Variants in KCND2 observed in about 807,000 individuals in gnomAD.
KCND2 encodes potassium voltage-gated channel subfamily D member 2.
In KCND2, 16 loss-of-function variants were observed where a neutral mutation model predicts 54.4. That is an observed-to-expected ratio of 0.29 (90% CI 0.20 to 0.45). The LOEUF is 0.45. Ranked by LOEUF, KCND2 falls within the 20% of genes least tolerant of loss-of-function variation. The pLI, the probability that KCND2 is intolerant of heterozygous loss-of-function variation, is 1.00. For synonymous variants in KCND2, 317 were observed against 310.7 expected (o/e 1.02, Z -0.21); for missense variants, 486 against 824.2 (o/e 0.59, Z 5.02).
At chr7:120,279,499 G>A (rs1799229254) in intron 1 of KCND2, among the ~76,000 whole-genome samples, 1 of 151,834 alleles carries the variant, frequency 6.6e-6, no homozygotes, top group African/African-American at 2.4e-5. Context: ...TAAAGTTTAT[G>A]TTTAGAGATA....
chr7:120,357,917 T>G (rs1357832208), intron 1 of KCND2, among the ~76,000 whole-genome samples: 1 of 152,146 alleles, frequency 6.6e-6, no homozygotes, highest in Non-Finnish European at 1.5e-5. Flanking sequence ...TACAGCCACA[T>G]CGGGGGTTGC....
chr7:120,442,114 A>G (rs1239909817), intron 1 of KCND2, among the ~76,000 whole-genome samples: 4 of 152,130 alleles, frequency 2.6e-5, no homozygotes, highest in Non-Finnish European at 5.9e-5. Context: ...AAGTTCCTGA[A>G]TCAGGGGACT....
In KCND2 at chr7:120,483,369, C is replaced by A. The variant is rs545041654; in HGVS notation, c.1115+207622C>A. 4.6e-5 allele frequency among the ~76,000 whole-genome samples: 7 copies of A among 152,264 alleles called. No homozygotes were observed. In the East Asian group the frequency reaches 1.3e-3, roughly 29 times the overall value. ...CATCCAGGAAGAAAAGCTCAATAGG[C>A]AACTGAATGGGAATCTGGGTCCCTC... On this transcript the variant is annotated intron_variant, in intron 1 of 5. Transcript: ENST00000331113.
chr7:120,436,969 T>C (rs1801876033), intron 1 of KCND2, among the ~76,000 whole-genome samples: 1 of 152,170 alleles, frequency 6.6e-6, no homozygotes, highest in Non-Finnish European at 1.5e-5. Context: ...AAGCACTCTC[T>C]TTCTCAGTGA....
At chr7:120,397,351 C>T (rs1052404059) in intron 1 of KCND2, among the ~76,000 whole-genome samples, 4 of 151,970 alleles carry the variant, frequency 2.6e-5, no homozygotes, top group African/African-American at 7.2e-5. Flanking sequence ...CTTATCTGGT[C>T]GGTAGTTGAT....
At chr7:120,679,007 A>G (rs1053377116) in intron 1 of KCND2, among the ~76,000 whole-genome samples, 5 of 151,828 alleles carry the variant, frequency 3.3e-5, no homozygotes, top group South Asian at 4.1e-4. Flanking sequence ...TACAGAATAT[A>G]TACAGACAAC....
At chr7:120,684,489 G>C (rs1040923641) in intron 1 of KCND2, among the ~76,000 whole-genome samples, 1 of 152,088 alleles carries the variant, frequency 6.6e-6, no homozygotes, top group African/African-American at 2.4e-5. Flanking sequence ...AGAAGTTAGA[G>C]GATATTGTAA....
At chr7:120,707,311 A>T (rs1302502442) in intron 1 of KCND2, among the ~76,000 whole-genome samples, 1 of 152,130 alleles carries the variant, frequency 6.6e-6, no homozygotes, top group Non-Finnish European at 1.5e-5. Context: ...CCTTTGTGTC[A>T]GGTGCAGGGA....
chr7:120,394,844 C>T (rs1479694156), intron 1 of KCND2, among the ~76,000 whole-genome samples: 3 of 151,922 alleles, frequency 2.0e-5, no homozygotes, highest in Non-Finnish European at 4.4e-5. Flanking sequence ...AGTCAAGTAA[C>T]CACTTAAACC....
At chr7:120,586,058 T>C (rs1792595770) in intron 1 of KCND2, among the ~76,000 whole-genome samples, 1 of 152,140 alleles carries the variant, frequency 6.6e-6, no homozygotes, top group Admixed American at 6.6e-5. Flanking sequence ...ACTACTTGAC[T>C]TGATTTCTAT....
intron 1 of KCND2, among the ~76,000 whole-genome samples, chr7:120,348,616 A>G (rs552176849): frequency 2.6e-5 from 4 of 152,282 alleles, no homozygotes; most frequent in Middle Eastern, 3.4e-3. Context: ...TCTATGCTCT[A>G]TGAAGTCTGA....
At chr7:120,381,652 G>A (rs968493151) in intron 1 of KCND2, among the ~76,000 whole-genome samples, 1 of 151,996 alleles carries the variant, frequency 6.6e-6, no homozygotes, top group Non-Finnish European at 1.5e-5. Context: ...GGGAAGATTC[G>A]ATTATCCTCA....
chr7:120,519,952 A>G (rs979298083), intron 1 of KCND2, among the ~76,000 whole-genome samples: 1 of 152,158 alleles, frequency 6.6e-6, no homozygotes, highest in African/African-American at 2.4e-5. Flanking sequence ...CAGGTAAGCC[A>G]TGAATATAAA....
chr7:120,403,903 C>T (rs749488081), intron 1 of KCND2, among the ~76,000 whole-genome samples: 2 of 151,964 alleles, frequency 1.3e-5, no homozygotes, highest in Non-Finnish European at 2.9e-5. Flanking sequence ...TTAAAAGAAT[C>T]TCAAGGTATT....
In KCND2 at chr7:120,580,545, G is replaced by A. The variant is rs140849328; in HGVS notation, c.1116-152358G>A. Among the ~76,000 whole-genome samples the A allele has an allele frequency of 5.0e-3, 754 of 152,294 alleles. 7 individuals are homozygous for A. The highest frequency in any genetic ancestry group is 0.02 in the Middle Eastern group (6 of 294). ...TGCATACTCAAGTGATAATTATTCA[G>A]ACAGTCCTGCATTGTTTACAAACAC... On this transcript the variant is annotated intron_variant, in intron 1 of 5. Transcript: ENST00000331113.
At chr7:120,323,528 T>C (rs972333016) in intron 1 of KCND2, among the ~76,000 whole-genome samples, 11 of 148,514 alleles carry the variant, frequency 7.4e-5, no homozygotes, top group Admixed American at 1.3e-4. Flanking sequence ...AATTCCCACC[T>C]ATGAGTGAGA....
chr7:120,720,148 G>T (rs1348632634), intron 1 of KCND2, among the ~76,000 whole-genome samples: 1 of 152,068 alleles, frequency 6.6e-6, no homozygotes, highest in Non-Finnish European at 1.5e-5. Context: ...GTGTACCCTA[G>T]AAGAAGGTCC....
chr7:120,725,613 A>G (rs928528104), intron 1 of KCND2, among the ~76,000 whole-genome samples: 2 of 152,124 alleles, frequency 1.3e-5, no homozygotes, highest in Non-Finnish European at 1.5e-5. Context: ...CCAAACTTTC[A>G]TTTAGGTTTT....
intron 1 of KCND2, among the ~76,000 whole-genome samples, chr7:120,408,867 T>C (rs1395239973): frequency 6.6e-6 from 1 of 151,954 alleles, no homozygotes; most frequent in African/African-American, 2.4e-5. Context: ...ACACGGTGAC[T>C]TGAATATGCA....
Sources: gnomAD v4.1 joint callset for allele counts (sites outside exome capture counted in the v4.1 genomes callset) on GRCh38, gnomAD v4.1.1 for gene constraint, MANE v1.5 for transcripts, NCBI Gene and HGNC (gene_info 2026-07-23, HGNC 2026-07-21) for gene names.